SH3RF3: variants seen among roughly 807,000 people sequenced by gnomAD.
SH3RF3 encodes E3 ubiquitin-protein ligase SH3RF3.
A neutral mutation model predicts 66.3 loss-of-function variants in SH3RF3; 29 were observed. The ratio of observed to expected loss-of-function variants is 0.44; its 90% CI spans 0.33 to 0.60. The LOEUF (loss-of-function observed/expected upper bound fraction) is 0.60. SH3RF3 is among the 20% of genes least tolerant of loss of function. The pLI is 0.04. For synonymous variants in SH3RF3, 583 were observed against 532.0 expected, an observed-to-expected ratio of 1.10 and a Z score of -1.32; for missense variants, 1,194 against 1,190.9, an observed-to-expected ratio of 1.00 and a Z score of -0.04.
chr2:109,187,039 A>C (rs1321807101), intron 1 of SH3RF3, among the ~76,000 whole-genome samples: 1 of 152,068 alleles, frequency 6.6e-6, no homozygotes, highest in African/African-American at 2.4e-5. Flanking sequence ...CCCACCCCAT[A>C]GGTGCTGGCC....
At position 109,325,143 on chromosome 2, in the gene SH3RF3, C is replaced by T. The variant is rs141175843; in HGVS notation, c.574-22531C>T. Among the ~76,000 whole-genome samples, 868 of 152,170 alleles carry T rather than the reference C, an allele frequency of 5.7e-3. 8 individuals are homozygous for T. Among genetic ancestry groups the T allele is most frequent in the African/African-American group, 0.02 (831 of 41,520 alleles). On this transcript the variant is annotated intron_variant, in intron 1 of 9. Coordinates refer to ENST00000309415, the MANE Select transcript of SH3RF3 (RefSeq NM_001099289.3). ...GAGGGGTCCCTTGGCCACATTTCCT[C>T]TGCAGTGCTCGGAAACAACTCACTG...
intron 1 of SH3RF3, among the ~76,000 whole-genome samples, chr2:109,211,610 G>T (rs755070273): frequency 2.0e-5 from 3 of 151,642 alleles, no homozygotes; most frequent in Non-Finnish European, 2.9e-5. Flanking sequence ...TAGACAGACA[G>T]ATGCACATGA....
intron 8 of SH3RF3, among the ~76,000 whole-genome samples, chr2:109,466,604 A>T (rs916238468): frequency 6.6e-6 from 1 of 151,514 alleles, no homozygotes; most frequent in Non-Finnish European, 1.5e-5. Flanking sequence ...TTTATTAACT[A>T]TTTCATGATT....
intron 6 of SH3RF3, among the ~76,000 whole-genome samples, chr2:109,434,033 G>T (rs1677329307): frequency 1.3e-5 from 2 of 152,222 alleles, no homozygotes; most frequent in South Asian, 2.1e-4. Context: ...TCCCATGCCA[G>T]TAGGAACAGG....
At chr2:109,370,778 C>T (rs1390408578) in intron 2 of SH3RF3, among the ~76,000 whole-genome samples, 1 of 152,232 alleles carries the variant, frequency 6.6e-6, no homozygotes, top group Non-Finnish European at 1.5e-5. Flanking sequence ...CTGCCTGCCT[C>T]TTCCTTTCTC....
At position 109,277,201 on chromosome 2, in the gene SH3RF3, C is replaced by T. The variant is rs1280903525; in HGVS notation, c.574-70473C>T. On this transcript the variant is annotated intron_variant, in intron 1 of 9. Coordinates refer to ENST00000309415, the MANE Select transcript of SH3RF3 (RefSeq NM_001099289.3). ...GAAACAGTTCCCAGAATTTCAGTCG[C>T]ATCTGTGCCTGGTGTGCCCTGCATT... Among the ~76,000 whole-genome samples, 4 of 152,170 alleles carry T rather than the reference C, an allele frequency of 2.6e-5. No homozygotes were observed. The East Asian group carries it at 7.7e-4, about 29-fold the overall frequency.
chr2:109,480,809 C>T (rs988042949), intron 8 of SH3RF3, among the ~76,000 whole-genome samples: 3 of 152,214 alleles, frequency 2.0e-5, no homozygotes, highest in Non-Finnish European at 4.4e-5. Context: ...ACCTCCGGCT[C>T]TCTCTAGCTG....
At position 109,448,949 on chromosome 2, in the gene SH3RF3, G is replaced by T. The variant is rs183978784; in HGVS notation, c.1829-221G>T. On this transcript the variant is annotated intron_variant, in intron 7 of 9. Coordinates refer to ENST00000309415, the MANE Select transcript of SH3RF3 (RefSeq NM_001099289.3). ...GAAAGGGGTGTTTTGAGCCGTGGCAGGGCCCCCTGATCCCTTGGGCTTTGG... is the reference window on the plus strand; with the variant it reads ...GAAAGGGGTGTTTTGAGCCGTGGCATGGCCCCCTGATCCCTTGGGCTTTGG... Among the ~76,000 whole-genome samples, 254 of 152,300 alleles carry T rather than the reference G, an allele frequency of 1.7e-3. 1 individual carries two copies. Among genetic ancestry groups the T allele is most frequent in the Non-Finnish European group, 2.0e-3 (135 of 68,030 alleles).
intron 1 of SH3RF3, among the ~76,000 whole-genome samples, chr2:109,166,936 G>A (rs1190971691): frequency 6.6e-6 from 1 of 152,164 alleles, no homozygotes; most frequent in Non-Finnish European, 1.5e-5. Flanking sequence ...GCAACATGAT[G>A]CATCCATAAA....
At chr2:109,136,594 G>A (rs1337468586) in intron 1 of SH3RF3, among the ~76,000 whole-genome samples, 1 of 152,182 alleles carries the variant, frequency 6.6e-6, no homozygotes, top group Non-Finnish European at 1.5e-5. Flanking sequence ...CATCCTTGGA[G>A]GCCATTTAGA....
intron 1 of SH3RF3, among the ~76,000 whole-genome samples, chr2:109,333,935 A>G: frequency 6.6e-6 from 1 of 152,244 alleles, no homozygotes; most frequent in East Asian, 1.9e-4. Context: ...AGAAGAATTA[A>G]TAATGAGGAC....
At chr2:109,419,966 G>T (rs755585367) in intron 5 of SH3RF3, among the ~76,000 whole-genome samples, 3 of 152,220 alleles carry the variant, frequency 2.0e-5, no homozygotes, top group Non-Finnish European at 4.4e-5. Flanking sequence ...CCGAGATTGA[G>T]GGGAGAGGCG....
At position 109,406,094 on chromosome 2, in the gene SH3RF3, G is replaced by A. The variant is rs373985570; in HGVS notation, c.1299+7151G>A. 2.8e-4 allele frequency among the ~76,000 whole-genome samples: 42 copies of A among 152,292 alleles called. No homozygotes were observed. In the East Asian group the frequency reaches 6.0e-3, roughly 22 times the overall value. On this transcript the variant is annotated intron_variant, in intron 4 of 9. Transcript: ENST00000309415. ...CAGCCGGCTGAGCCTCAGATGGCCCGTCCTGCTCATGTTTGCACCCCTAGG... is the reference window on the plus strand; with the variant it reads ...CAGCCGGCTGAGCCTCAGATGGCCCATCCTGCTCATGTTTGCACCCCTAGG...
chr2:109,165,712 G>T (rs75354669), intron 1 of SH3RF3, among the ~76,000 whole-genome samples: 4 of 152,164 alleles, frequency 2.6e-5, no homozygotes, highest in Non-Finnish European at 5.9e-5. Context: ...ATGGACGAGT[G>T]GGGAGGCTTT....
chr2:109,325,341 T>C (rs1391039675), intron 1 of SH3RF3, among the ~76,000 whole-genome samples: 7 of 131,898 alleles, frequency 5.3e-5, no homozygotes, highest in East Asian at 2.1e-4. Context: ...CTTTTTTTTT[T>C]TTTTTTTTTT....
At chr2:109,253,686 T>C (rs1208023566) in intron 1 of SH3RF3, among the ~76,000 whole-genome samples, 1 of 152,112 alleles carries the variant, frequency 6.6e-6, no homozygotes, top group Non-Finnish European at 1.5e-5. Flanking sequence ...GGAAAGGAAT[T>C]TGGCTGTCTG....
At chr2:109,425,286 G>A (rs1188664415) in intron 5 of SH3RF3, among the ~76,000 whole-genome samples, 1 of 152,218 alleles carries the variant, frequency 6.6e-6, no homozygotes, top group Non-Finnish European at 1.5e-5. Flanking sequence ...AAAGTACAAG[G>A]TAAAGCAGCA....
At position 109,182,943 on chromosome 2, in the gene SH3RF3, C is replaced by T. The variant is rs150380920; in HGVS notation, c.573+52830C>T. On this transcript the variant is annotated intron_variant, in intron 1 of 9. Coordinates refer to ENST00000309415, the MANE Select transcript of SH3RF3 (RefSeq NM_001099289.3). ...TTAAACGTTTCCCATGAATCTTTGA[C>T]ATTGGTGTCTTCATCATCACAGGAC... Among the ~76,000 whole-genome samples, 30 of 152,262 alleles carry T rather than the reference C, an allele frequency of 2.0e-4. No individual in the cohort carries two copies. In the East Asian group the frequency reaches 5.6e-3, roughly 28 times the overall value.
intron 1 of SH3RF3, among the ~76,000 whole-genome samples, chr2:109,325,660 C>T (rs1484143394): frequency 6.6e-6 from 1 of 152,178 alleles, no homozygotes; most frequent in Non-Finnish European, 1.5e-5. Flanking sequence ...CAGCACTGAT[C>T]GCTAGAAGGT....
Sources: allele counts gnomAD v4.1 joint callset (sites outside exome capture counted in the v4.1 genomes callset), GRCh38; gene constraint gnomAD v4.1.1; transcripts MANE v1.5; gene names NCBI Gene and HGNC (gene_info 2026-07-23, HGNC 2026-07-21).